PGAP1: variants seen among roughly 807,000 people sequenced by gnomAD.
The protein encoded by PGAP1 is post-GPI attachment to proteins inositol deacylase 1.
A neutral mutation model predicts 127.0 loss-of-function variants in PGAP1; 76 were observed. The observed-to-expected ratio is 0.60, with a 90% CI of 0.50 to 0.72. The LOEUF (loss-of-function observed/expected upper bound fraction) is 0.72. PGAP1 is among the 30% of genes least tolerant of loss of function. The pLI, the probability that PGAP1 is intolerant of heterozygous loss-of-function variation, is 0.00. For synonymous variants in PGAP1, 362 were observed against 366.5 expected, an observed-to-expected ratio of 0.99 and a Z score of 0.14; for missense variants, 982 against 1,071.3, an observed-to-expected ratio of 0.92 and a Z score of 1.16.
At chr2:196,887,103 A>G (rs1457163479) in intron 10 of PGAP1, among the ~76,000 whole-genome samples, 1 of 152,220 alleles carries the variant, frequency 6.6e-6, no homozygotes, top group Non-Finnish European at 1.5e-5. Flanking sequence ...CATATTCTGT[A>G]TTCAGCTTTA....
intron 10 of PGAP1, among the ~76,000 whole-genome samples, 158 bp downstream of exon 10, chr2:196,890,670 T>C (rs1702066545): frequency 1.3e-5 from 2 of 152,140 alleles, no homozygotes; most frequent in African/African-American, 4.8e-5. Flanking sequence ...AAAAAAAATT[T>C]GATCAATACT....
chr2:196,859,278 G>T (rs772458270), intron 20 of PGAP1, among the ~76,000 whole-genome samples: 2 of 152,152 alleles, frequency 1.3e-5, no homozygotes, highest in Non-Finnish European at 2.9e-5. Context: ...AGTGAGCCGA[G>T]ATTGCACTAC....
intron 20 of PGAP1, among the ~76,000 whole-genome samples, chr2:196,861,410 A>G (rs564866423): frequency 3.1e-4 from 47 of 152,356 alleles, no homozygotes; most frequent in Non-Finnish European, 5.3e-4. Flanking sequence ...AAAATTTTGC[A>G]AACTATCCAT....
At chr2:196,896,378 A>T (rs950802149) in intron 7 of PGAP1, among the ~76,000 whole-genome samples, 1 of 152,198 alleles carries the variant, frequency 6.6e-6, no homozygotes, top group Non-Finnish European at 1.5e-5. Flanking sequence ...TAAACTCAGG[A>T]GGCTGAGGTG....
intron 4 of PGAP1, among the ~76,000 whole-genome samples, chr2:196,904,017 G>T (rs1702594895): frequency 1.3e-5 from 2 of 152,076 alleles, no homozygotes; most frequent in South Asian, 4.1e-4. Context: ...GGAGAGCCTG[G>T]GATGTTAAGT....
At chr2:196,874,844 T>C (rs1047121100) in intron 14 of PGAP1, among the ~76,000 whole-genome samples, 8 of 152,098 alleles carry the variant, frequency 5.3e-5, no homozygotes, top group Non-Finnish European at 1.0e-4. Flanking sequence ...TGAATCTCTG[T>C]CTCTACAAAA....
chr2:196,848,965 CTTA>C (rs1576091978), intron 20 of PGAP1, among the ~76,000 whole-genome samples: 1 of 152,258 alleles, frequency 6.6e-6, no homozygotes, highest in East Asian at 1.9e-4. Context: ...CTCATTAAAA[CTTA>C]TTATTTGTCT....
intron 20 of PGAP1, among the ~76,000 whole-genome samples, chr2:196,851,667 T>A (rs1201192751): frequency 6.6e-6 from 1 of 152,154 alleles, no homozygotes; most frequent in Non-Finnish European, 1.5e-5. Context: ...AGAACTGGTG[T>A]GCAGTACTCA....
rs2125767774 is a variant in PGAP1 at position 196,833,087 on chromosome 2, CATT to C, written c.*8144_*8146del. The C allele has an allele frequency of 2.0e-5, 3 of 152,614 alleles. No homozygotes were observed. The East Asian group carries it at 5.8e-4, about 29-fold the overall frequency. 9.5% of individuals were successfully genotyped at this position (152,614 alleles called of 1,614,324 possible). On this transcript the variant is annotated 3_prime_UTR_variant, in exon 27 of 27. Coordinates refer to ENST00000354764, the MANE Select transcript of PGAP1 (RefSeq NM_024989.4). Reference sequence around the variant, plus strand: ...AAAGAAAGCACCAAAAATTACTACACATTAATACCTGAGCAGAGACTGAAGGCA... The same window carrying C: ...AAAGAAAGCACCAAAAATTACTACACAATACCTGAGCAGAGACTGAAGGCA...
chr2:196,883,447 T>C (rs1701796067), intron 12 of PGAP1, among the ~76,000 whole-genome samples: 1 of 152,190 alleles, frequency 6.6e-6, no homozygotes, highest in South Asian at 2.1e-4. Context: ...TGTTCTAATG[T>C]AAATTAAAGA....
intron 14 of PGAP1, 64 bp downstream of exon 14, chr2:196,875,682 G>C (rs1701542645): frequency 1.2e-6 from 1 of 855,240 alleles, no homozygotes; most frequent in Non-Finnish European, 1.9e-6. Context: ...ACAAAGCTCT[G>C]CTTTACTGCA....
chr2:196,879,270 T>A (rs1040418764), intron 13 of PGAP1, among the ~76,000 whole-genome samples: 1 of 152,180 alleles, frequency 6.6e-6, no homozygotes, highest in Non-Finnish European at 1.5e-5. Flanking sequence ...CTTATTATAA[T>A]GCCATTCTTT....
intron 1 of PGAP1, among the ~76,000 whole-genome samples, chr2:196,924,071 A>G (rs1703295744): frequency 6.6e-6 from 1 of 152,244 alleles, no homozygotes; most frequent in Admixed American, 6.5e-5. Context: ...ATCTGGGAAA[A>G]CCAGAGGTAG....
intron 8 of PGAP1, 21 bp from the exon 9 acceptor site, chr2:196,892,422 T>C: frequency 8.4e-7 from 1 of 1,186,132 alleles, no homozygotes; most frequent in South Asian, 1.4e-5. Flanking sequence ...AGGAAATTAA[T>C]TTATTTGCCT....
intron 18 of PGAP1, among the ~76,000 whole-genome samples, chr2:196,871,531 T>C (rs1360545463): frequency 6.6e-6 from 1 of 152,136 alleles, no homozygotes; most frequent in African/African-American, 2.4e-5. Context: ...CACAATTTTT[T>C]GTATTGCTTT....
chr2:196,855,045 G>A (rs1290811048), intron 20 of PGAP1, among the ~76,000 whole-genome samples: 2 of 151,370 alleles, frequency 1.3e-5, no homozygotes, highest in Non-Finnish European at 2.9e-5. Context: ...CATATCAGCA[G>A]GGCACGGTGG....
intron 23 of PGAP1, 67 bp downstream of exon 23, chr2:196,845,815 C>G (rs144230344): frequency 3.6e-6 from 5 of 1,370,384 alleles, no homozygotes; most frequent in Non-Finnish European, 4.9e-6. Context: ...ACAATGCCTA[C>G]GGAACATCCT....
intron 19 of PGAP1, among the ~76,000 whole-genome samples, chr2:196,870,708 T>C (rs1260813937): frequency 6.6e-6 from 1 of 152,174 alleles, no homozygotes; most frequent in Non-Finnish European, 1.5e-5. Flanking sequence ...TGGGCAAATA[T>C]GGTCTGTGGG....
chr2:196,878,641 A>G (rs1304539752), intron 13 of PGAP1, among the ~76,000 whole-genome samples: 2 of 152,164 alleles, frequency 1.3e-5, no homozygotes, highest in African/African-American at 4.8e-5. Flanking sequence ...CATTACTACT[A>G]TAGTTAAAAA....
Sources: gnomAD v4.1 joint callset for allele counts (sites outside exome capture counted in the v4.1 genomes callset) on GRCh38, gnomAD v4.1.1 for gene constraint, MANE v1.5 for transcripts, NCBI Gene and HGNC (gene_info 2026-07-23, HGNC 2026-07-21) for gene names.